The following CFAP299 variants were observed in gnomAD, a reference collection of about 807,000 sequenced individuals.
CFAP299 encodes cilia and flagella associated protein 299.
CFAP299 carries 21 observed loss-of-function variants against 27.0 expected under a neutral mutation model. The observed-to-expected ratio is 0.78, with a 90% CI of 0.55 to 1.12. The LOEUF (loss-of-function observed/expected upper bound fraction) is 1.12. Ranked by LOEUF, CFAP299 falls within the 50% of genes most tolerant of loss-of-function variation. The pLI is 0.00. For missense variants in CFAP299, 310 were observed against 276.6 expected, an observed-to-expected ratio of 1.12 and a Z score of -0.86; for synonymous variants, 104 against 98.1, an observed-to-expected ratio of 1.06 and a Z score of -0.36.
intron 2 of CFAP299, among the ~76,000 whole-genome samples, chr4:80,550,838 C>T (rs1056259343): frequency 4.6e-5 from 7 of 151,568 alleles, no homozygotes; most frequent in Non-Finnish European, 7.4e-5. Flanking sequence ...ATCTGAAAAA[C>T]AAAAATTGCC....
At chr4:80,916,251 A>AT (rs2110207430) in intron 4 of CFAP299, among the ~76,000 whole-genome samples, 1 of 96,200 alleles carries the variant, frequency 1.0e-5, no homozygotes, top group Non-Finnish European at 2.0e-5. Flanking sequence ...AACTAGACTG[A>AT]AATATATATA....
chr4:80,738,829 G>C (rs979450493), intron 3 of CFAP299, among the ~76,000 whole-genome samples: 1 of 151,172 alleles, frequency 6.6e-6, no homozygotes, highest in Non-Finnish European at 1.5e-5. Flanking sequence ...CTTTCTTCCT[G>C]GTATTCCTTT....
At position 80,390,539 on chromosome 4, in the gene CFAP299, ATACACACATATATGTATATATGT is replaced by A. The variant is rs1725287894; in HGVS notation, c.242+27656_242+27678del. Among the ~76,000 whole-genome samples the A allele has an allele frequency of 8.6e-5, 5 of 57,812 alleles. No individual in the cohort carries two copies. In the South Asian group the frequency reaches 2.8e-3, roughly 32 times the overall value. The allele number at this position is 57,812 out of a possible 152,430, so 37.9% of individuals were successfully genotyped here. ...CATATATGTATATATGTATATATGT[ATACACACATATATGTATATATGT>A]ATATATGTATACACACATATATGTA... On this transcript the variant is annotated intron_variant, in intron 2 of 5. Coordinates refer to ENST00000358105, the MANE Select transcript of CFAP299 (RefSeq NM_152770.3).
At chr4:80,667,303 T>C (rs963276163) in intron 3 of CFAP299, among the ~76,000 whole-genome samples, 2 of 152,190 alleles carry the variant, frequency 1.3e-5, no homozygotes, top group East Asian at 1.9e-4. Flanking sequence ...ATTGTGATAT[T>C]CATCATCTTA....
At chr4:80,410,700 A>C (rs1477554416) in intron 2 of CFAP299, among the ~76,000 whole-genome samples, 1 of 152,216 alleles carries the variant, frequency 6.6e-6, no homozygotes, top group African/African-American at 2.4e-5. Context: ...TTGAAGATGA[A>C]GCATTGCATT....
intron 3 of CFAP299, among the ~76,000 whole-genome samples, chr4:80,750,531 C>A (rs554606356): frequency 4.0e-4 from 61 of 152,244 alleles, no homozygotes; most frequent in African/African-American, 1.4e-3. Flanking sequence ...TAAAAGTGCA[C>A]CTGTCTATCA....
At chr4:80,656,539 T>C (rs1469199371) in intron 3 of CFAP299, among the ~76,000 whole-genome samples, 10 of 152,206 alleles carry the variant, frequency 6.6e-5, no homozygotes, top group Admixed American at 6.5e-4. Flanking sequence ...TCCATGTCAC[T>C]GCAAAGGACA....
intron 3 of CFAP299, among the ~76,000 whole-genome samples, chr4:80,849,818 A>G (rs2110146849): frequency 6.6e-6 from 1 of 152,208 alleles, no homozygotes; most frequent in East Asian, 1.9e-4. Context: ...CAGTAGGGGG[A>G]CTATTGTTAA....
At chr4:80,455,366 T>G (rs1560575093) in intron 2 of CFAP299, among the ~76,000 whole-genome samples, 1 of 152,232 alleles carries the variant, frequency 6.6e-6, no homozygotes. Context: ...CTCACTGTTA[T>G]AATTTTAGTC....
intron 3 of CFAP299, among the ~76,000 whole-genome samples, chr4:80,691,682 A>T (rs1208988113): frequency 6.6e-6 from 1 of 151,016 alleles, no homozygotes; most frequent in African/African-American, 2.4e-5. Flanking sequence ...TAGTGTTGGA[A>T]GTTCTGGCCA....
intron 2 of CFAP299, among the ~76,000 whole-genome samples, chr4:80,560,757 G>T (rs1560624854): frequency 1.3e-5 from 2 of 152,116 alleles, no homozygotes; most frequent in Non-Finnish European, 2.9e-5. Context: ...GAGTGGGAAG[G>T]ACTATGTTTT....
At chr4:80,800,382 TATA>T (rs1490727061) in intron 3 of CFAP299, among the ~76,000 whole-genome samples, 1 of 65,510 alleles carries the variant, frequency 1.5e-5, no homozygotes, top group East Asian at 4.6e-4. Flanking sequence ...ATATATAATA[TATA>T]ATATATTAAT....
chr4:80,789,257 C>A (rs1727416719), intron 3 of CFAP299, among the ~76,000 whole-genome samples: 1 of 151,970 alleles, frequency 6.6e-6, no homozygotes, highest in Non-Finnish European at 1.5e-5. Flanking sequence ...CTATCCTAAC[C>A]ATTGCAGTCC....
At chr4:80,408,902 A>G (rs1726569180) in intron 2 of CFAP299, among the ~76,000 whole-genome samples, 1 of 151,994 alleles carries the variant, frequency 6.6e-6, no homozygotes, top group Admixed American at 6.6e-5. Context: ...TTCCTAAGGA[A>G]TAAAATGGTT....
chr4:80,782,200 C>A (rs147725969), intron 3 of CFAP299, among the ~76,000 whole-genome samples: 3 of 151,936 alleles, frequency 2.0e-5, no homozygotes, highest in Non-Finnish European at 2.9e-5. Flanking sequence ...GAGACATCTT[C>A]TTTTCCACCA....
At chr4:80,608,518 C>A in intron 3 of CFAP299, 1 of 533,578 alleles carries the variant, frequency 1.9e-6, no homozygotes. Flanking sequence ...ATGACAGTCA[C>A]AAGTAGTGCT....
chr4:80,393,233 TTC>T (rs1725590227), intron 2 of CFAP299, among the ~76,000 whole-genome samples: 3 of 152,210 alleles, frequency 2.0e-5, no homozygotes, highest in South Asian at 2.1e-4. Context: ...TGTACAGTGA[TTC>T]TCTGTTTTAA....
intron 2 of CFAP299, among the ~76,000 whole-genome samples, chr4:80,503,650 G>A (rs1474918153): frequency 1.3e-5 from 2 of 151,992 alleles, no homozygotes; most frequent in Non-Finnish European, 2.9e-5. Flanking sequence ...CTAGAACGGT[G>A]GCTAATATAT....
chr4:80,545,685 A>G (rs1055418341), intron 2 of CFAP299, among the ~76,000 whole-genome samples: 1 of 152,166 alleles, frequency 6.6e-6, no homozygotes, highest in Admixed American at 6.6e-5. Flanking sequence ...AGATAGTACC[A>G]TTTCTACTAA....
Sources: gnomAD v4.1 joint callset for allele counts (sites outside exome capture counted in the v4.1 genomes callset) on GRCh38, gnomAD v4.1.1 for gene constraint, MANE v1.5 for transcripts, NCBI Gene and HGNC (gene_info 2026-07-23, HGNC 2026-07-21) for gene names.